The following BACH2 variants were observed in gnomAD, a reference collection of about 807,000 sequenced individuals.
BACH2 encodes the protein transcription regulator protein BACH2.
A neutral mutation model predicts 61.8 loss-of-function variants in BACH2; 5 were observed. The observed-to-expected ratio is 0.08, with a 90% CI of 0.04 to 0.17. The LOEUF is 0.17. Ranked by LOEUF, BACH2 falls within the 10% of genes least tolerant of loss-of-function variation. The pLI, the probability that BACH2 is intolerant of heterozygous loss-of-function variation, is 1.00. For synonymous variants in BACH2, 446 were observed against 440.1 expected, an observed-to-expected ratio of 1.01 and a Z score of -0.17; for missense variants, 824 against 1,091.1, an observed-to-expected ratio of 0.76 and a Z score of 3.45.
At chr6:90,246,509 G>A (rs1198826316) in intron 3 of BACH2, among the ~76,000 whole-genome samples, 1 of 152,160 alleles carries the variant, frequency 6.6e-6, no homozygotes, top group African/African-American at 2.4e-5. Context: ...GATGTCTAAT[G>A]TAGTACAGTG....
intron 2 of BACH2, among the ~76,000 whole-genome samples, chr6:90,259,341 T>C (rs184104719): frequency 4.1e-4 from 63 of 152,366 alleles, no homozygotes; most frequent in Admixed American, 4.1e-3. Flanking sequence ...GTGATTTTTA[T>C]CTTTCATTCT....
chr6:90,174,595 A>G (rs2127838734), intron 4 of BACH2, among the ~76,000 whole-genome samples: 1 of 152,200 alleles, frequency 6.6e-6, no homozygotes, highest in South Asian at 2.1e-4. Context: ...TAAATGATAT[A>G]AAGAATCTAC....
chr6:90,153,934 T>C (rs1471988478), intron 4 of BACH2, among the ~76,000 whole-genome samples: 1 of 152,246 alleles, frequency 6.6e-6, no homozygotes, highest in African/African-American at 2.4e-5. Context: ...ATTCATATTA[T>C]GAGAAAATTC....
intron 4 of BACH2, among the ~76,000 whole-genome samples, chr6:90,194,646 A>G (rs1165933483): frequency 6.6e-6 from 1 of 152,212 alleles, no homozygotes; most frequent in African/African-American, 2.4e-5. Flanking sequence ...AGCCCACTCC[A>G]AACTGTTAGG....
At chr6:90,107,081 A>C (rs1049119588) in intron 4 of BACH2, among the ~76,000 whole-genome samples, 2 of 152,228 alleles carry the variant, frequency 1.3e-5, no homozygotes. Context: ...TCAATTTAAA[A>C]TCACATTATA....
At position 89,950,108 on chromosome 6, in the gene BACH2, A is replaced by T. The variant is rs1584518171; in HGVS notation, c.1836+162T>A. 2.5e-6 allele frequency: 2 copies of T among 799,602 alleles called. No individual in the cohort carries two copies. Among genetic ancestry groups the T allele is most frequent in the Non-Finnish European group, 4.2e-6 (2 of 481,000 alleles). 49.5% of individuals were successfully genotyped at this position (799,602 alleles called of 1,614,324 possible). On this transcript the variant is annotated intron_variant, in intron 7 of 8. Coordinates refer to ENST00000257749, the MANE Select transcript of BACH2 (RefSeq NM_021813.4). This position sits in a 1 kb window ranked among gnomAD's most constrained non-coding sequence, Gnocchi z 5.3. ...GGACAGAAGTGGTTAATGTGGAATC[A>T]CCTTCAGCATCCTGCCTCTGTGGAT...
chr6:90,290,535 C>T (rs7756574), intron 1 of BACH2, among the ~76,000 whole-genome samples: 20,766 of 152,142 alleles, frequency 0.14, 1,570 homozygotes, highest in South Asian at 0.19. Flanking sequence ...GCACTATCCA[C>T]GAGCTTCTGT....
intron 1 of BACH2, among the ~76,000 whole-genome samples, chr6:90,276,677 G>T (rs1300561288): frequency 3.3e-5 from 5 of 152,142 alleles, no homozygotes; most frequent in South Asian, 2.1e-4. Flanking sequence ...TTGCATTATA[G>T]ATTTTGGAAT....
chr6:90,100,582 G>A (rs897264409), intron 4 of BACH2, among the ~76,000 whole-genome samples: 3 of 151,846 alleles, frequency 2.0e-5, no homozygotes, highest in Non-Finnish European at 4.4e-5. Context: ...TGCTTCTCTG[G>A]GTCTACAGCC....
At chr6:89,956,819 A>G (rs1457457255) in intron 6 of BACH2, among the ~76,000 whole-genome samples, 1 of 152,208 alleles carries the variant, frequency 6.6e-6, no homozygotes, top group Non-Finnish European at 1.5e-5. Context: ...TACATGACTA[A>G]GGTGTCTCCA....
intron 4 of BACH2, among the ~76,000 whole-genome samples, chr6:90,094,678 T>TA (rs1782309933): frequency 6.6e-6 from 1 of 152,190 alleles, no homozygotes; most frequent in Admixed American, 6.5e-5. Context: ...TCACTGGAGG[T>TA]AAAAAATTTA....
At chr6:90,064,128 G>A (rs1445693835) in intron 5 of BACH2, among the ~76,000 whole-genome samples, 1 of 152,174 alleles carries the variant, frequency 6.6e-6, no homozygotes, top group Non-Finnish European at 1.5e-5. Context: ...CTCCAGAAGA[G>A]TGCAATGCAC....
At chr6:90,053,971 G>A (rs1403512141) in intron 5 of BACH2, among the ~76,000 whole-genome samples, 2 of 152,062 alleles carry the variant, frequency 1.3e-5, no homozygotes, top group Admixed American at 6.5e-5. Flanking sequence ...GAAAAATTCT[G>A]GAATGCCGGT....
chr6:90,084,590 A>G (rs1267351733), intron 5 of BACH2, among the ~76,000 whole-genome samples: 2 of 151,778 alleles, frequency 1.3e-5, no homozygotes, highest in Non-Finnish European at 2.9e-5. Context: ...CTGACTCAGA[A>G]ACCTCTTTTC....
intron 6 of BACH2, among the ~76,000 whole-genome samples, chr6:89,959,545 TA>T (rs554677647): frequency 3.8e-4 from 58 of 152,234 alleles, no homozygotes; most frequent in African/African-American, 1.3e-3. Flanking sequence ...AAAAAACACC[TA>T]AAAAAATTAT....
intron 3 of BACH2, among the ~76,000 whole-genome samples, chr6:90,231,782 C>G (rs567159910): frequency 7.9e-5 from 12 of 152,206 alleles, no homozygotes; most frequent in Non-Finnish European, 1.8e-4. Context: ...ACTGTGTATT[C>G]TAAGTCCACT....
intron 1 of BACH2, among the ~76,000 whole-genome samples, chr6:90,289,712 C>T (rs145067522): frequency 9.5e-4 from 145 of 152,222 alleles, no homozygotes; most frequent in Middle Eastern, 3.4e-3. Context: ...TGTGTTGGTC[C>T]GCATTCAACA....
intron 7 of BACH2, among the ~76,000 whole-genome samples, chr6:89,944,818 C>CTT (rs1485248598): frequency 2.6e-5 from 4 of 152,160 alleles, no homozygotes; most frequent in Non-Finnish European, 5.9e-5. Flanking sequence ...AAGAAACTCT[C>CTT]TGTGGTGCTT....
intron 3 of BACH2, among the ~76,000 whole-genome samples, chr6:90,211,588 CTGTGTGTG>C (rs3072674): frequency 0.035 from 5,033 of 144,086 alleles, 152 homozygotes; most frequent in Admixed American, 0.085. Context: ...GTGTCAAGGG[CTGTGTGTG>C]TGTGTGTGTG....
Sources: gnomAD v4.1 joint callset for allele counts (sites outside exome capture counted in the v4.1 genomes callset) on GRCh38, gnomAD v4.1.1 for gene constraint, Gnocchi (gnomAD v3.1) non-coding constraint, MANE v1.5 for transcripts, NCBI Gene and HGNC (gene_info 2026-07-23, HGNC 2026-07-21) for gene names.